The following PDE3B variants were observed in gnomAD, a reference collection of about 807,000 sequenced individuals.
PDE3B encodes phosphodiesterase 3B, also known as cGMP-inhibited 3',5'-cyclic phosphodiesterase 3B.
In PDE3B, 66 loss-of-function variants were observed where a neutral mutation model predicts 116.8. The ratio of observed to expected loss-of-function variants is 0.56; its 90% CI spans 0.46 to 0.69. PDE3B has a LOEUF of 0.69. Ranked by LOEUF, PDE3B falls within the 30% of genes least tolerant of loss-of-function variation. PDE3B has a pLI of 0.00. For missense variants in PDE3B, 1,384 were observed against 1,368.1 expected, an observed-to-expected ratio of 1.01 and a Z score of -0.18; for synonymous variants, 595 against 533.6, an observed-to-expected ratio of 1.12 and a Z score of -1.59.
chr11:14,799,114 A>T (rs905519707), intron 4 of PDE3B, among the ~76,000 whole-genome samples: 1 of 152,164 alleles, frequency 6.6e-6, no homozygotes, highest in African/African-American at 2.4e-5. Flanking sequence ...TGTGTCCCAG[A>T]GATTCTGGTA....
intron 10 of PDE3B, 52 bp downstream of exon 10, chr11:14,832,885 A>C (rs1013440926): frequency 1.3e-6 from 1 of 759,028 alleles, no homozygotes; most frequent in Non-Finnish European, 2.2e-6. Context: ...GGGTTTTGAA[A>C]CTCTTTATCA....
intron 1 of PDE3B, among the ~76,000 whole-genome samples, chr11:14,756,988 T>C (rs1187548204): frequency 7.7e-6 from 1 of 130,058 alleles, no homozygotes; most frequent in African/African-American, 2.9e-5. Context: ...GAGTGTGATA[T>C]TCCCCTTCCT....
chr11:14,718,025 C>G (rs2133837548), intron 1 of PDE3B, among the ~76,000 whole-genome samples: 1 of 150,338 alleles, frequency 6.7e-6, no homozygotes, highest in East Asian at 2.0e-4. Context: ...TCAGGAAACC[C>G]ATCTCATGTG....
chr11:14,859,293 G>A, intron 13 of PDE3B, 47 bp downstream of exon 13: 2 of 1,298,724 alleles, frequency 1.5e-6, no homozygotes, highest in Non-Finnish European at 2.2e-6. Flanking sequence ...TTTATTGTCA[G>A]TGTTACTGAT....
chr11:14,687,037 T>G (rs1854899094), intron 1 of PDE3B, among the ~76,000 whole-genome samples: 1 of 152,186 alleles, frequency 6.6e-6, no homozygotes, highest in Admixed American at 6.5e-5. Context: ...ATATTTTTTA[T>G]AGTAAAAATG....
At chr11:14,846,123 A>G (rs541955928) in intron 12 of PDE3B, among the ~76,000 whole-genome samples, 1 of 152,376 alleles carries the variant, frequency 6.6e-6, no homozygotes, top group East Asian at 1.9e-4. Flanking sequence ...GAAGCCCATC[A>G]GACTAACAGC....
chr11:14,752,537 G>A (rs1042338277), intron 1 of PDE3B, among the ~76,000 whole-genome samples: 1 of 152,056 alleles, frequency 6.6e-6, no homozygotes, highest in South Asian at 2.1e-4. Flanking sequence ...TCTTTTCCCA[G>A]CTCTCTTCTA....
chr11:14,670,926 C>T (rs765299413), intron 1 of PDE3B, among the ~76,000 whole-genome samples: 2 of 151,528 alleles, frequency 1.3e-5, no homozygotes, highest in Admixed American at 6.6e-5. Flanking sequence ...CCAGACTGGG[C>T]GCAAACTCCT....
At chr11:14,737,235 C>G (rs960979428) in intron 1 of PDE3B, among the ~76,000 whole-genome samples, 2 of 151,002 alleles carry the variant, frequency 1.3e-5, no homozygotes, top group Admixed American at 6.6e-5. Context: ...GCTCTTTCAC[C>G]CAGGCTGGAC....
intron 14 of PDE3B, among the ~76,000 whole-genome samples, chr11:14,865,850 T>A (rs781845969): frequency 2.0e-5 from 3 of 152,088 alleles, no homozygotes; most frequent in Non-Finnish European, 4.4e-5. Flanking sequence ...TAAAAAATAA[T>A]AGTGTATGTA....
At chr11:14,665,611 T>G (rs558980022) in intron 1 of PDE3B, among the ~76,000 whole-genome samples, 1 of 152,256 alleles carries the variant, frequency 6.6e-6, no homozygotes, top group East Asian at 1.9e-4. Context: ...ACAAGCATTC[T>G]TATACACCAA....
intron 1 of PDE3B, among the ~76,000 whole-genome samples, chr11:14,654,765 T>G (rs1853660090): frequency 6.8e-6 from 1 of 147,966 alleles, no homozygotes; most frequent in Admixed American, 6.9e-5. Flanking sequence ...TAAATCTTGT[T>G]TATATATACA....
At chr11:14,886,162 G>A in the PDE3B span, 1 of 504,850 alleles carries the variant, frequency 2.0e-6, no homozygotes, top group Non-Finnish European at 3.6e-6. Context: ...AATGAAAAGG[G>A]TACTGGACTC....
chr11:14,749,233 A>G (rs1856993863), intron 1 of PDE3B, among the ~76,000 whole-genome samples: 1 of 152,032 alleles, frequency 6.6e-6, no homozygotes, highest in Non-Finnish European at 1.5e-5. Flanking sequence ...TTAAACATAG[A>G]TTGGTACATA....
Position 14,672,533 on chromosome 11 carries a change from G to A in PDE3B, c.978+27480G>A, listed in dbSNP as rs544243445. The stretch of plus-strand genomic sequence containing the variant: ...TTGTTGGTCTATTTGTTATGATAAA[G>A]GCTAAACTAATGTTAACAAGAGACA... On this transcript the variant is annotated intron_variant, in intron 1 of 15. Coordinates refer to ENST00000282096, the MANE Select transcript of PDE3B (RefSeq NM_000922.4). 4.6e-5 allele frequency among the ~76,000 whole-genome samples: 7 copies of A among 152,238 alleles called. No homozygotes were observed. In the South Asian group the frequency reaches 1.2e-3, roughly 27 times the overall value.
intron 5 of PDE3B, among the ~76,000 whole-genome samples, chr11:14,811,374 G>C (rs973320355): frequency 1.3e-5 from 2 of 152,180 alleles, no homozygotes; most frequent in Admixed American, 6.5e-5. Flanking sequence ...TCCAGTTTCA[G>C]CTTTGTACAT....
In PDE3B at chr11:14,830,186, G is replaced by A. The variant is rs570495718; in HGVS notation, c.1808-512G>A. Among the ~76,000 whole-genome samples the A allele has an allele frequency of 8.8e-4, 134 of 152,158 alleles. 2 individuals carry two copies. The highest frequency in any genetic ancestry group is 3.4e-3 in the Middle Eastern group (1 of 292). ...AATGAATATGAATGTTTTTTAACACGTGAATGAATGCTATTTAGCTATGAA... is the reference window on the plus strand; with the variant it reads ...AATGAATATGAATGTTTTTTAACACATGAATGAATGCTATTTAGCTATGAA... On this transcript the variant is annotated intron_variant, in intron 7 of 15. Transcript: ENST00000282096.
chr11:14,803,951 T>C lies in PDE3B; in HGVS notation c.1423T>C (p.Cys475Arg). 1 of 1,584,438 alleles carries C rather than the reference T, an allele frequency of 6.3e-7. No individual in the cohort carries two copies. The highest frequency in any genetic ancestry group is 8.7e-7 in the Non-Finnish European group (1 of 1,153,200). Residue 475 changes from cysteine to arginine, a missense_variant, in exon 5 of 16, where the codon TGC (cysteine) becomes CGC (arginine). Physicochemically the swap from Cys to Arg is radical, Grantham distance 180. This residue lies in a region of PDE3B where 956 missense variants were observed against 806.8 expected (regional missense o/e 1.18). Transcript: ENST00000282096. The stretch of plus-strand genomic sequence containing the variant: ...GTTATTTTTCCCTTTTAGTCAAGGA[T>C]GCTATCTAAATGGGCCTTTTAATTC... ...HQEFGISSQG[C>R]YLNGPFNSNL...
At chr11:14,786,371 A>G (rs1463960281) in intron 2 of PDE3B, 66 bp from the exon 3 acceptor site, 14 of 1,220,058 alleles carry the variant, frequency 1.1e-5, no homozygotes, top group African/African-American at 1.5e-5. Context: ...AGTTAGAATT[A>G]TACCATTTGT....
Sources: gnomAD v4.1 joint callset for allele counts (sites outside exome capture counted in the v4.1 genomes callset) on GRCh38, gnomAD v4.1.1 for gene constraint, gnomAD v4.1.1 regional missense constraint, MANE v1.5 for transcripts, NCBI Gene and HGNC (gene_info 2026-07-23, HGNC 2026-07-21) for gene names.